Variants in ZNF385D observed in about 807,000 individuals in gnomAD.
ZNF385D encodes the protein zinc finger protein 659.
A neutral mutation model predicts 35.8 loss-of-function variants in ZNF385D; 15 were observed. The observed-to-expected ratio is 0.42, with a 90% CI of 0.28 to 0.64. The LOEUF is 0.64. Among genes scored for constraint, ZNF385D ranks in the 30% least tolerant of loss-of-function variants. The pLI is 0.23. For synonymous variants in ZNF385D, 212 were observed against 186.8 expected, an observed-to-expected ratio of 1.13 and a Z score of -1.10; for missense variants, 474 against 494.6, an observed-to-expected ratio of 0.96 and a Z score of 0.39.
At chr3:21,684,028 G>C (rs976147623) in intron 1 of ZNF385D, among the ~76,000 whole-genome samples, 1 of 149,844 alleles carries the variant, frequency 6.7e-6, no homozygotes, top group Admixed American at 6.7e-5. Context: ...ATGTTTTAAG[G>C]CACCAAGTTT....
At chr3:21,986,951 T>C (rs1225078190) in intron 3 of ZNF385D, among the ~76,000 whole-genome samples, 58 of 56,988 alleles carry the variant, frequency 1.0e-3, no homozygotes, top group African/African-American at 4.4e-3. Context: ...TTGATCTTTG[T>C]TGGTTTAAAG....
At chr3:21,905,266 G>T (rs1448958828) in intron 3 of ZNF385D, among the ~76,000 whole-genome samples, 1 of 147,474 alleles carries the variant, frequency 6.8e-6, no homozygotes, top group African/African-American at 2.5e-5. Flanking sequence ...TGTTATAAAG[G>T]GAAATGCACA....
chr3:21,861,470 G>A (rs999227455), intron 3 of ZNF385D, among the ~76,000 whole-genome samples: 2 of 152,094 alleles, frequency 1.3e-5, no homozygotes, highest in Non-Finnish European at 2.9e-5. Flanking sequence ...CTTGTGTGAG[G>A]AGTGCAAATT....
At chr3:22,245,046 T>C (rs888112840) in intron 2 of ZNF385D, among the ~76,000 whole-genome samples, 5 of 152,090 alleles carry the variant, frequency 3.3e-5, no homozygotes, top group African/African-American at 1.2e-4. Context: ...GACCTCCAAG[T>C]GAATAGACGA....
intron 3 of ZNF385D, among the ~76,000 whole-genome samples, chr3:21,771,096 C>CG (rs1365959863): frequency 2.4e-5 from 1 of 42,458 alleles, no homozygotes; most frequent in Non-Finnish European, 4.9e-5. Context: ...GTTGTGGGGT[C>CG]GGGGGAGGGG....
At chr3:21,479,990 T>C (rs920766956) in intron 4 of ZNF385D, among the ~76,000 whole-genome samples, 2 of 152,164 alleles carry the variant, frequency 1.3e-5, no homozygotes, top group African/African-American at 2.4e-5. Flanking sequence ...ATCTGCTTTT[T>C]AAATACACTT....
intron 4 of ZNF385D, among the ~76,000 whole-genome samples, chr3:21,454,114 A>G (rs1702630938): frequency 6.6e-6 from 1 of 152,122 alleles, no homozygotes; most frequent in African/African-American, 2.4e-5. Context: ...CACACGTTGT[A>G]TGATTCCATT....
At chr3:21,623,879 T>C (rs1331499452) in intron 2 of ZNF385D, among the ~76,000 whole-genome samples, 4 of 152,078 alleles carry the variant, frequency 2.6e-5, no homozygotes, top group Admixed American at 1.3e-4. Flanking sequence ...AGTAAAGCAA[T>C]GTAACTCTGA....
intron 3 of ZNF385D, among the ~76,000 whole-genome samples, chr3:22,068,278 CTG>C (rs369008570): frequency 2.6e-5 from 4 of 152,088 alleles, no homozygotes; most frequent in Admixed American, 6.6e-5. Context: ...CCTAGTAATA[CTG>C]TGTCTCTTCA....
chr3:22,137,508 T>A (rs1186645195), intron 3 of ZNF385D, among the ~76,000 whole-genome samples: 4 of 152,216 alleles, frequency 2.6e-5, no homozygotes, highest in Non-Finnish European at 5.9e-5. Context: ...GATGCAAGGC[T>A]GGTTCAACAT....
chr3:21,585,911 G>A (rs562158755), intron 2 of ZNF385D, among the ~76,000 whole-genome samples: 6 of 152,174 alleles, frequency 3.9e-5, no homozygotes, highest in South Asian at 2.1e-4. Flanking sequence ...GCTCATGTCT[G>A]TAGTCCTAGT....
chr3:22,189,693 A>G (rs772903584), intron 2 of ZNF385D, among the ~76,000 whole-genome samples: 2 of 152,204 alleles, frequency 1.3e-5, no homozygotes, highest in Non-Finnish European at 2.9e-5. Context: ...GCTCACCACC[A>G]AAAATCTGAT....
chr3:21,784,030 G>C (rs113814406), intron 3 of ZNF385D, among the ~76,000 whole-genome samples: 3,446 of 152,144 alleles, frequency 0.023, 66 homozygotes, highest in Non-Finnish European at 0.035. Context: ...AGTGTTATCA[G>C]CATTGCCAGA....
intron 3 of ZNF385D, among the ~76,000 whole-genome samples, chr3:22,063,448 AATTT>A (rs1288691305): frequency 6.6e-6 from 1 of 152,216 alleles, no homozygotes; most frequent in African/African-American, 2.4e-5. Context: ...ATCTGCAAGC[AATTT>A]ATTTAGAATA....
chr3:21,858,909 T>C (rs1226691492), intron 3 of ZNF385D, among the ~76,000 whole-genome samples: 13 of 152,032 alleles, frequency 8.6e-5, no homozygotes, highest in Admixed American at 8.5e-4. Flanking sequence ...CGATAACAGG[T>C]CCAATCTGTA....
At chr3:21,624,208 C>T (rs1310295449) in intron 2 of ZNF385D, among the ~76,000 whole-genome samples, 1 of 152,062 alleles carries the variant, frequency 6.6e-6, no homozygotes, top group African/African-American at 2.4e-5. Flanking sequence ...ATTGCCATCA[C>T]AACACAGTTT....
intron 3 of ZNF385D, among the ~76,000 whole-genome samples, chr3:21,846,507 G>C (rs917314990): frequency 6.6e-6 from 1 of 151,964 alleles, no homozygotes; most frequent in African/African-American, 2.4e-5. Flanking sequence ...TATTGCTTTA[G>C]GGCTTTTTGC....
At chr3:21,454,427 T>TTTA (rs1702653650) in intron 4 of ZNF385D, among the ~76,000 whole-genome samples, 1 of 152,148 alleles carries the variant, frequency 6.6e-6, no homozygotes, top group Non-Finnish European at 1.5e-5. Flanking sequence ...TGTCCTCTAT[T>TTTA]ATCTTGCTGA....
intron 3 of ZNF385D, among the ~76,000 whole-genome samples, chr3:22,145,637 G>A (rs952758805): frequency 2.0e-5 from 3 of 152,202 alleles, no homozygotes; most frequent in Non-Finnish European, 2.9e-5. Context: ...TTGGGGTTTT[G>A]AGTTACAAAA....
Sources: gnomAD v4.1 joint callset for allele counts (sites outside exome capture counted in the v4.1 genomes callset) on GRCh38, gnomAD v4.1.1 for gene constraint, MANE v1.5 for transcripts, NCBI Gene and HGNC (gene_info 2026-07-23, HGNC 2026-07-21) for gene names.